Variants in CHST8 observed in about 807,000 individuals in gnomAD.
CHST8 encodes the protein carbohydrate sulfotransferase 8, also known as GALNAC-4-ST1.
Under a neutral mutation model 15.0 loss-of-function variants are expected in CHST8, and 10 were observed. The ratio of observed to expected loss-of-function variants is 0.67; its 90% confidence interval spans 0.41 to 1.13. CHST8 has a LOEUF of 1.13. CHST8 is among the 50% of genes most tolerant of loss of function. The probability of loss-of-function intolerance (pLI) is 0.00; values close to 1 mark genes in which losing one functional copy is unlikely to be tolerated. For synonymous variants in CHST8, 259 were observed against 256.6 expected (o/e 1.01, Z -0.09); for missense variants, 634 against 608.2 (o/e 1.04, Z -0.45).
chr19:33,674,593 C>G (rs761957603), intron 2 of CHST8, among the ~76,000 whole-genome samples: 3 of 152,146 alleles, frequency 2.0e-5, no homozygotes, highest in Non-Finnish European at 4.4e-5. Context: ...TTCCAATTCC[C>G]AGGGGTCTCC....
chr19:33,637,449 C>T (rs1187889287), intron 1 of CHST8, among the ~76,000 whole-genome samples: 1 of 148,862 alleles, frequency 6.7e-6, no homozygotes, highest in Non-Finnish European at 1.5e-5. Flanking sequence ...GTCACCCAGG[C>T]TGGAGTGCAG....
rs1599629896 is a variant in CHST8 at position 33,757,481 on chromosome 19, A to G, written c.131-13932A>G. On this transcript the variant is annotated intron_variant, in intron 3 of 4. Coordinates refer to ENST00000650847, the MANE Select transcript of CHST8 (RefSeq NM_001127895.2). Reference sequence around the variant, plus strand: ...AAGAAAGAAAGAAAGAAAGAAAGAAAGAAAGAAAGAAAGAAAGAAAGAAAG... The same window carrying G: ...AAGAAAGAAAGAAAGAAAGAAAGAAGGAAAGAAAGAAAGAAAGAAAGAAAG... Among the ~76,000 whole-genome samples, 9 of 51,902 alleles carry G rather than the reference A, an allele frequency of 1.7e-4. 1 individual carries two copies. The highest frequency in any genetic ancestry group is 4.9e-4 in the African/African-American group (6 of 12,260). 34.0% of individuals were successfully genotyped at this position (51,902 alleles called of 152,430 possible).
At chr19:33,724,224 C>A (rs1351964438) in intron 3 of CHST8, among the ~76,000 whole-genome samples, 1 of 152,206 alleles carries the variant, frequency 6.6e-6, no homozygotes, top group Non-Finnish European at 1.5e-5. Flanking sequence ...ACCCCACACC[C>A]AGGCCCAGCC....
At chr19:33,635,672 G>GA (rs574330876) in intron 1 of CHST8, among the ~76,000 whole-genome samples, 3 of 152,088 alleles carry the variant, frequency 2.0e-5, no homozygotes, top group African/African-American at 4.8e-5. Flanking sequence ...GCCAGCAGTG[G>GA]AAAAAATGCG....
At chr19:33,741,258 C>T (rs560560960) in intron 3 of CHST8, among the ~76,000 whole-genome samples, 1 of 146,602 alleles carries the variant, frequency 6.8e-6, no homozygotes, top group South Asian at 2.1e-4. Context: ...CCTCTGACTG[C>T]AAGGCTGCGT....
chr19:33,721,206 C>T (rs773076032), intron 3 of CHST8, among the ~76,000 whole-genome samples: 1 of 152,306 alleles, frequency 6.6e-6, no homozygotes, highest in East Asian at 1.9e-4. Flanking sequence ...GCAGGGTCCT[C>T]GGAGTCAGCA....
intron 3 of CHST8, among the ~76,000 whole-genome samples, chr19:33,717,149 A>G (rs1353807967): frequency 6.6e-6 from 1 of 152,090 alleles, no homozygotes; most frequent in Non-Finnish European, 1.5e-5. Flanking sequence ...AAGTATAGGG[A>G]TTTATTACAA....
chr19:33,641,778 G>T (rs1048239024), intron 1 of CHST8, among the ~76,000 whole-genome samples: 1 of 152,076 alleles, frequency 6.6e-6, no homozygotes, highest in African/African-American at 2.4e-5. Flanking sequence ...TGCTTTGGAA[G>T]GGGGCAGTGG....
chr19:33,635,579 G>C (rs1021344626), intron 1 of CHST8, among the ~76,000 whole-genome samples: 4 of 152,114 alleles, frequency 2.6e-5, no homozygotes, highest in Non-Finnish European at 5.9e-5. Context: ...CCACAGAGGA[G>C]GGAGGCCCAG....
At position 33,738,737 on chromosome 19, in the gene CHST8, A is replaced by C. The variant is rs368606258; in HGVS notation, c.131-32676A>C. 3.3e-5 allele frequency among the ~76,000 whole-genome samples: 5 copies of C among 152,176 alleles called. No homozygotes were observed. In the East Asian group the frequency reaches 5.8e-4, roughly 18 times the overall value. The stretch of plus-strand genomic sequence containing the variant: ...CCTGAGTAGCTGGGATTACAGGCAC[A>C]CACCAGCATGCCCGGCTAATTTTTG... On this transcript the variant is annotated intron_variant, in intron 3 of 4. Coordinates refer to ENST00000650847, the MANE Select transcript of CHST8 (RefSeq NM_001127895.2).
At chr19:33,735,630 C>T (rs556108962) in intron 3 of CHST8, among the ~76,000 whole-genome samples, 1 of 152,298 alleles carries the variant, frequency 6.6e-6, no homozygotes, top group East Asian at 1.9e-4. Flanking sequence ...AGTTCAAGAC[C>T]AGCCTGACCA....
intron 1 of CHST8, among the ~76,000 whole-genome samples, chr19:33,634,677 CAAAAAAAAA>C: frequency 1.9e-5 from 1 of 52,370 alleles, no homozygotes; most frequent in Non-Finnish European, 3.3e-5. Flanking sequence ...GTCACGAAAC[CAAAAAAAAA>C]AAAAAAAAAA....
At chr19:33,639,630 G>A (rs1284041193) in intron 1 of CHST8, among the ~76,000 whole-genome samples, 1 of 152,086 alleles carries the variant, frequency 6.6e-6, no homozygotes, top group African/African-American at 2.4e-5. Flanking sequence ...GGTGAAGTGT[G>A]GAGATCGTTG....
rs535603006 is a variant in CHST8, at chr19:33,725,252, T to C, written c.130+35861T>C. On this transcript the variant is annotated intron_variant, in intron 3 of 4. Coordinates refer to ENST00000650847, the MANE Select transcript of CHST8 (RefSeq NM_001127895.2). The stretch of plus-strand genomic sequence containing the variant: ...TCCCCGTGGGGAAGGGCATTTCTCC[T>C]TGGCTCCTGACTGATGCCCCTCCCC... 1.4e-4 allele frequency among the ~76,000 whole-genome samples: 22 copies of C among 152,186 alleles called. No homozygotes were observed. In the South Asian group the frequency reaches 4.4e-3, roughly 30 times the overall value.
chr19:33,646,604 G>A (rs1397775108), intron 1 of CHST8, among the ~76,000 whole-genome samples: 19 of 152,316 alleles, frequency 1.2e-4, no homozygotes, highest in Non-Finnish European at 2.4e-4. Context: ...AGGGACTATT[G>A]TCATCTTTGT....
rs187510760 is a variant in CHST8 at position 33,757,587 on chromosome 19, A to G, written c.131-13826A>G. Among the ~76,000 whole-genome samples, 308 of 144,300 alleles carry G rather than the reference A, an allele frequency of 2.1e-3. 16 individuals carry two copies. The highest frequency in any genetic ancestry group is 3.8e-3 in the Non-Finnish European group (245 of 65,090). The allele number at this position is 144,300 out of a possible 152,430, so 94.7% of individuals were successfully genotyped here. A position where few individuals can be genotyped will look rare whatever the true frequency, so the allele number is the denominator to read the frequency against. Reference sequence around the variant, plus strand: ...AAGAAAGAAAGAAAGAAAGAAAGAAAGAAAGAAAGAAAGAAAGAGCCGGCC... The same window carrying G: ...AAGAAAGAAAGAAAGAAAGAAAGAAGGAAAGAAAGAAAGAAAGAGCCGGCC... On this transcript the variant is annotated intron_variant, in intron 3 of 4. Transcript: ENST00000650847.
chr19:33,624,742 C>A (rs1972029685), intron 1 of CHST8, among the ~76,000 whole-genome samples: 1 of 152,174 alleles, frequency 6.6e-6, no homozygotes, highest in African/African-American at 2.4e-5. Context: ...CCAGAGGCAG[C>A]CTGATAGGCT....
chr19:33,688,482 C>G (rs1010632604), intron 2 of CHST8, among the ~76,000 whole-genome samples: 1 of 152,208 alleles, frequency 6.6e-6, no homozygotes, highest in Non-Finnish European at 1.5e-5. Flanking sequence ...CACCTCCACT[C>G]CAGGCAAAGG....
Position 33,773,224 on chromosome 19 carries a change from G to T in CHST8, c.*161G>T. ...CAGGCCCCGGGTGGGGGGCAGAGGC[G>T]CCCAGCCTTGGATGGGGACCCCAGC... On this transcript the variant is annotated 3_prime_UTR_variant, in exon 5 of 5. Transcript: ENST00000650847. 1.3e-6 allele frequency: 1 copy of T among 796,478 alleles called. No homozygotes were observed. Among genetic ancestry groups the T allele is most frequent in the South Asian group, 1.9e-5 (1 of 53,670 alleles). 49.3% of individuals were successfully genotyped at this position (796,478 alleles called of 1,614,324 possible). A position where few individuals can be genotyped will look rare whatever the true frequency, so the allele number is the denominator to read the frequency against.
Sources: allele counts gnomAD v4.1 joint callset (sites outside exome capture counted in the v4.1 genomes callset), GRCh38; gene constraint gnomAD v4.1.1; transcripts MANE v1.5; gene names NCBI Gene and HGNC (gene_info 2026-07-23, HGNC 2026-07-21).